The following TMEM131L variants were observed in gnomAD, a reference collection of about 807,000 sequenced individuals.
TMEM131L encodes the protein transmembrane 131 like.
In TMEM131L, 54 loss-of-function variants were observed where a neutral mutation model predicts 192.2. The observed-to-expected ratio is 0.28, with a 90% CI of 0.23 to 0.35. TMEM131L has a LOEUF of 0.35. Among genes scored for constraint, TMEM131L ranks in the 10% least tolerant of loss-of-function variants. TMEM131L has a pLI of 1.00. For synonymous variants in TMEM131L, 701 were observed against 704.9 expected (o/e 0.99, Z 0.09); for missense variants, 1,888 against 1,972.9 (o/e 0.96, Z 0.82).
At position 153,609,876 on chromosome 4, in the gene TMEM131L, ATTC is replaced by A. The variant is rs547334836; in HGVS notation, c.3419-2370_3419-2368del. Among the ~76,000 whole-genome samples, 5 of 152,218 alleles carry A rather than the reference ATTC, an allele frequency of 3.3e-5. No homozygotes were observed. The South Asian group carries it at 1.0e-3, about 32-fold the overall frequency. On this transcript the variant is annotated intron_variant, in intron 25 of 34. Coordinates refer to ENST00000409959, the MANE Select transcript of TMEM131L (RefSeq NM_001131007.2). Reference sequence around the variant, plus strand: ...TATGGCTTCCAGAATCCAAAGGGATATTCTTCTTATGCTTTCTTTTTCTGGTAC... The same window carrying A: ...TATGGCTTCCAGAATCCAAAGGGATATTCTTATGCTTTCTTTTTCTGGTAC...
chr4:153,584,177 G>A (rs1029116167), intron 11 of TMEM131L, among the ~76,000 whole-genome samples: 1 of 152,162 alleles, frequency 6.6e-6, no homozygotes. Flanking sequence ...ACAGCGATGC[G>A]AGCAGTGTGT....
chr4:153,467,826 C>G (rs181716973), intron 2 of TMEM131L, among the ~76,000 whole-genome samples: 1 of 152,158 alleles, frequency 6.6e-6, no homozygotes, highest in Admixed American at 6.5e-5. Context: ...ATGATGATTG[C>G]GTGTAGAAAA....
At chr4:153,542,032 C>A (rs1171111486) in intron 3 of TMEM131L, among the ~76,000 whole-genome samples, 1 of 152,168 alleles carries the variant, frequency 6.6e-6, no homozygotes, top group Non-Finnish European at 1.5e-5. Flanking sequence ...CTTTCCGAAT[C>A]CAGGAGGGAT....
At position 153,477,871 on chromosome 4, in the gene TMEM131L, T is replaced by G. The variant is rs1433626426; in HGVS notation, c.239+3983T>G. On this transcript the variant is annotated intron_variant, in intron 3 of 34. Transcript: ENST00000409959. The stretch of plus-strand genomic sequence containing the variant: ...ACCCATTTAAAGTGCACAGTTGGTT[T>G]TCAGCATATTCAGAGTTGTATAACT... Among the ~76,000 whole-genome samples the G allele has an allele frequency of 7.2e-5, 11 of 152,344 alleles. No homozygotes were observed. The East Asian group carries it at 1.2e-3, about 16-fold the overall frequency.
chr4:153,561,487 T>C (rs1372298693), intron 7 of TMEM131L, among the ~76,000 whole-genome samples: 2 of 152,314 alleles, frequency 1.3e-5, no homozygotes, highest in East Asian at 1.9e-4. Flanking sequence ...TCTTCTAAAG[T>C]TTTATAGTTT....
rs143631154 is a variant in TMEM131L, at chr4:153,592,437, C to A, written c.1813-38C>A. 1,776 of 1,375,778 alleles carry A rather than the reference C, an allele frequency of 1.3e-3. 2 individuals are homozygous for A. The highest frequency in any genetic ancestry group is 1.7e-3 in the Non-Finnish European group (1,643 of 962,830). 85.2% of individuals were successfully genotyped at this position (1,375,778 alleles called of 1,614,324 possible). A position where few individuals can be genotyped will look rare whatever the true frequency, so the allele number is the denominator to read the frequency against. ...GAATATCTCAGGAGGGATGCTGTGT[C>A]CCTCTCGGGGTTTTAACTTTTCTTT... On this transcript the variant is annotated intron_variant, in intron 17 of 34. Coordinates refer to ENST00000409959, the MANE Select transcript of TMEM131L (RefSeq NM_001131007.2).
At chr4:153,532,984 C>CTTTTTTTTTTTTTTTTTTT (rs70963190) in intron 3 of TMEM131L, among the ~76,000 whole-genome samples, 1 of 129,694 alleles carries the variant, frequency 7.7e-6, no homozygotes, top group African/African-American at 2.9e-5. Flanking sequence ...TTTCTCAATT[C>CTTTTTTTTTTTTTTTTTTT]TTTTTTTTTT....
rs373363345 is a variant in TMEM131L, at chr4:153,622,948, G to T, written c.3910G>T (p.Asp1304Tyr). Residue 1304 changes from aspartate (D) to tyrosine (Y), a missense_variant, in exon 29 of 35, where the codon GAT becomes TAT. By Grantham distance (160) the Asp-to-Tyr change is radical. Coordinates refer to ENST00000409959, the MANE Select transcript of TMEM131L (RefSeq NM_001131007.2). ...EKKCVDKFCS[D>Y]SSSDCGSSSG... Reference sequence around the variant, plus strand: ...GAAATGTGTGGACAAGTTCTGCTCCGATTCCAGCTCTGACTGTGGGAGCTC... The same window carrying T: ...GAAATGTGTGGACAAGTTCTGCTCCTATTCCAGCTCTGACTGTGGGAGCTC... 5 of 1,614,246 alleles carry T rather than the reference G, an allele frequency of 3.1e-6. No individual in the cohort carries two copies. Among genetic ancestry groups the T allele is most frequent in the African/African-American group, 2.7e-5 (2 of 75,068 alleles).
chr4:153,468,752 C>T (rs1342981125), intron 2 of TMEM131L, among the ~76,000 whole-genome samples: 8 of 152,070 alleles, frequency 5.3e-5, no homozygotes, highest in African/African-American at 1.9e-4. Flanking sequence ...TCTCCCCCAC[C>T]CCCTCCTGAT....
At chr4:153,580,227 G>T (rs1238106566) in intron 7 of TMEM131L, among the ~76,000 whole-genome samples, 1 of 152,152 alleles carries the variant, frequency 6.6e-6, no homozygotes, top group Non-Finnish European at 1.5e-5. Context: ...CATCCCAGGG[G>T]CTGTTAAGAT....
chr4:153,623,469 C>A (rs183764919), intron 29 of TMEM131L, among the ~76,000 whole-genome samples: 1 of 152,308 alleles, frequency 6.6e-6, no homozygotes, highest in Non-Finnish European at 1.5e-5. Context: ...TTTTATCTTG[C>A]AAAACTGAAA....
chr4:153,516,245 T>TA (rs1734720865), intron 3 of TMEM131L, among the ~76,000 whole-genome samples: 1 of 152,170 alleles, frequency 6.6e-6, no homozygotes, highest in South Asian at 2.1e-4. Flanking sequence ...TCTATAATTT[T>TA]AAAATCTAAT....
intron 3 of TMEM131L, among the ~76,000 whole-genome samples, chr4:153,482,484 T>A (rs1732016795): frequency 6.6e-6 from 1 of 152,210 alleles, no homozygotes; most frequent in African/African-American, 2.4e-5. Flanking sequence ...TTTTGACACC[T>A]ATTTATATAG....
intron 7 of TMEM131L, among the ~76,000 whole-genome samples, chr4:153,561,090 A>G (rs1728818089): frequency 6.6e-6 from 1 of 152,242 alleles, no homozygotes; most frequent in Admixed American, 6.5e-5. Context: ...ACTGAGCATG[A>G]AGTGGTATCT....
At chr4:153,589,898 A>C (rs868023782) in intron 16 of TMEM131L, among the ~76,000 whole-genome samples, 16 of 152,348 alleles carry the variant, frequency 1.1e-4, no homozygotes, top group African/African-American at 2.9e-4. Context: ...TGGCCGAGTC[A>C]TCAAAAGTGA....
chr4:153,591,125 T>C lies in TMEM131L; in HGVS notation c.1743T>C (p.Phe581=), dbSNP rs757999888. ...AGGAGTCAGAGTCCTTTGTTTTCTT[T>C]TTGCCTCGTTTGATCGCAGAGCCTG... ...KSKESESFVF[F]LPRLIAEPGL... is the part of the protein sequence containing the mutation. The change falls in exon 17 of 35, where the codon TTT becomes TTC. Residue 581 remains phenylalanine (F), a synonymous_variant. Coordinates refer to ENST00000409959, the MANE Select transcript of TMEM131L (RefSeq NM_001131007.2). The C allele has an allele frequency of 6.2e-7, 1 of 1,611,920 alleles. No homozygotes were observed. The highest frequency in any genetic ancestry group is 8.5e-7 in the Non-Finnish European group (1 of 1,178,668).
At chr4:153,489,626 T>C (rs1037554182) in intron 3 of TMEM131L, among the ~76,000 whole-genome samples, 2 of 152,124 alleles carry the variant, frequency 1.3e-5, no homozygotes, top group African/African-American at 2.4e-5. Context: ...TACAGGCATG[T>C]ACCACCATGC....
chr4:153,573,872 C>T (rs1399244569), intron 7 of TMEM131L, among the ~76,000 whole-genome samples: 1 of 152,176 alleles, frequency 6.6e-6, no homozygotes, highest in Non-Finnish European at 1.5e-5. Context: ...TTCCCCCAAG[C>T]ATCTAAATTA....
At chr4:153,477,573 A>G (rs909325946) in intron 3 of TMEM131L, among the ~76,000 whole-genome samples, 2 of 152,142 alleles carry the variant, frequency 1.3e-5, no homozygotes, top group African/African-American at 2.4e-5. Context: ...GAGGGAGAAC[A>G]GTGTCCTTTT....
Sources: gnomAD v4.1 joint callset for allele counts (sites outside exome capture counted in the v4.1 genomes callset) on GRCh38, gnomAD v4.1.1 for gene constraint, MANE v1.5 for transcripts, NCBI Gene and HGNC (gene_info 2026-07-23, HGNC 2026-07-21) for gene names.